FUT8: variants seen among roughly 807,000 people sequenced by gnomAD.
FUT8 encodes the protein alpha-(1,6)-fucosyltransferase.
Under a neutral mutation model 71.3 loss-of-function variants are expected in FUT8, and 29 were observed. That is an observed-to-expected ratio of 0.41 (90% CI 0.30 to 0.55). The LOEUF is 0.55. Ranked by LOEUF, FUT8 falls within the 20% of genes least tolerant of loss-of-function variation. FUT8 has a pLI of 0.34. For synonymous variants in FUT8, 254 were observed against 239.3 expected, an observed-to-expected ratio of 1.06 and a Z score of -0.57; for missense variants, 544 against 702.1, an observed-to-expected ratio of 0.77 and a Z score of 2.55.
chr14:65,697,652 T>C (rs1293005780), intron 7 of FUT8, among the ~76,000 whole-genome samples: 1 of 152,204 alleles, frequency 6.6e-6, no homozygotes, highest in Non-Finnish European at 1.5e-5. Context: ...AAAAGGAATA[T>C]GAGGCCAGGT....
At chr14:65,357,420 G>A in the FUT8 span, among the ~76,000 whole-genome samples, 1 of 152,166 alleles carries the variant, frequency 6.6e-6, no homozygotes, top group Non-Finnish European at 1.5e-5. Context: ...AGCTTCCCTG[G>A]GAGGGGCAAA....
chr14:65,565,905 TA>T (rs1032178272), intron 3 of FUT8, among the ~76,000 whole-genome samples: 5 of 151,618 alleles, frequency 3.3e-5, no homozygotes, highest in African/African-American at 1.2e-4. Context: ...AAATTATTTT[TA>T]AAAAACATAT....
intron 2 of FUT8, among the ~76,000 whole-genome samples, chr14:65,514,909 G>T (rs1179923446): frequency 6.6e-6 from 1 of 152,116 alleles, no homozygotes; most frequent in Non-Finnish European, 1.5e-5. Flanking sequence ...GAGGAAATGT[G>T]TGTAAAAATG....
intron 3 of FUT8, among the ~76,000 whole-genome samples, chr14:65,590,602 G>T (rs1887636581): frequency 6.6e-6 from 1 of 152,112 alleles, no homozygotes; most frequent in Non-Finnish European, 1.5e-5. Context: ...CCTAAATGTG[G>T]ATTAGTATCT....
chr14:65,735,745 A>G (rs1006462705), intron 10 of FUT8, among the ~76,000 whole-genome samples: 3 of 152,150 alleles, frequency 2.0e-5, no homozygotes, highest in Admixed American at 6.6e-5. Flanking sequence ...AGCATTTGAA[A>G]TTGTAGAGTA....
chr14:65,504,912 G>A (rs1456476924), intron 2 of FUT8, among the ~76,000 whole-genome samples: 1 of 152,130 alleles, frequency 6.6e-6, no homozygotes, highest in African/African-American at 2.4e-5. Flanking sequence ...ATTGCACGCC[G>A]GGCTGGGCAA....
chr14:65,565,273 C>T (rs1319933273), intron 3 of FUT8, among the ~76,000 whole-genome samples: 1 of 151,880 alleles, frequency 6.6e-6, no homozygotes, highest in Admixed American at 6.6e-5. Flanking sequence ...CTCCATAACC[C>T]AAATACCTCC....
intron 3 of FUT8, among the ~76,000 whole-genome samples, chr14:65,581,135 GTTAA>G (rs1887069526): frequency 6.6e-6 from 1 of 152,044 alleles, no homozygotes; most frequent in African/African-American, 2.4e-5. Context: ...TGATGTAATA[GTTAA>G]TTAATCCTGA....
chr14:65,478,699 C>A (rs1432749680), intron 2 of FUT8, among the ~76,000 whole-genome samples: 1 of 152,150 alleles, frequency 6.6e-6, no homozygotes, highest in Non-Finnish European at 1.5e-5. Flanking sequence ...AGATATTTTG[C>A]CAACTAGAAA....
intron 7 of FUT8, among the ~76,000 whole-genome samples, chr14:65,718,952 G>T (rs1038003603): frequency 6.6e-6 from 1 of 151,926 alleles, no homozygotes; most frequent in Admixed American, 6.6e-5. Flanking sequence ...GTCTTCTTTG[G>T]GTTAAATCTG....
At chr14:65,610,344 T>C (rs1888817497) in intron 3 of FUT8, among the ~76,000 whole-genome samples, 1 of 151,854 alleles carries the variant, frequency 6.6e-6, no homozygotes, top group African/African-American at 2.4e-5. Flanking sequence ...TAATAGATAA[T>C]TGTTATCAGG....
At chr14:65,697,069 C>A (rs1002657692) in intron 7 of FUT8, among the ~76,000 whole-genome samples, 1 of 152,110 alleles carries the variant, frequency 6.6e-6, no homozygotes, top group Non-Finnish European at 1.5e-5. Context: ...TTTGTATCTT[C>A]AGACTATATT....
intron 5 of FUT8, among the ~76,000 whole-genome samples, chr14:65,621,423 T>C (rs1889604649): frequency 6.6e-6 from 1 of 151,666 alleles, no homozygotes; most frequent in Non-Finnish European, 1.5e-5. Flanking sequence ...CTGATTTTTG[T>C]ATTTTTAGTA....
At chr14:65,733,975 G>A (rs1896101006) in intron 10 of FUT8, among the ~76,000 whole-genome samples, 1 of 152,136 alleles carries the variant, frequency 6.6e-6, no homozygotes. Flanking sequence ...GTTTTTATGA[G>A]GGTCCAGCCA....
At chr14:65,426,940 G>A (rs2065398085) in intron 1 of FUT8, among the ~76,000 whole-genome samples, 1 of 151,914 alleles carries the variant, frequency 6.6e-6, no homozygotes, top group South Asian at 2.1e-4. Context: ...CTCACTGTAA[G>A]CTCTGCCTCC....
At chr14:65,598,786 C>T (rs956449058) in intron 3 of FUT8, among the ~76,000 whole-genome samples, 11 of 151,910 alleles carry the variant, frequency 7.2e-5, no homozygotes, top group African/African-American at 2.7e-4. Context: ...TTTGATGGTT[C>T]TTGGAACATA....
intron 10 of FUT8, among the ~76,000 whole-genome samples, chr14:65,733,643 A>T (rs1185751159): frequency 1.3e-5 from 2 of 152,220 alleles, no homozygotes; most frequent in Non-Finnish European, 2.9e-5. Flanking sequence ...TGTTTAAAGT[A>T]CTTGGCTTGT....
intron 7 of FUT8, among the ~76,000 whole-genome samples, chr14:65,675,944 C>T (rs1892694839): frequency 6.6e-6 from 1 of 152,076 alleles, no homozygotes; most frequent in South Asian, 2.1e-4. Flanking sequence ...TTGCAGTGAG[C>T]CGAGATCGCG....
At chr14:65,717,428 G>A (rs1440901778) in intron 7 of FUT8, among the ~76,000 whole-genome samples, 1 of 102,268 alleles carries the variant, frequency 9.8e-6, no homozygotes, top group Non-Finnish European at 1.9e-5. Context: ...GGCAGAGGTG[G>A]CTCCTCACAT....
Sources: allele counts gnomAD v4.1 joint callset (sites outside exome capture counted in the v4.1 genomes callset), GRCh38; gene constraint gnomAD v4.1.1; transcripts MANE v1.5; gene names NCBI Gene and HGNC (gene_info 2026-07-23, HGNC 2026-07-21).